The following HHAT variants were observed in gnomAD, a reference collection of about 807,000 sequenced individuals.
HHAT encodes the protein protein-cysteine N-palmitoyltransferase HHAT.
Under a neutral mutation model 70.8 loss-of-function variants are expected in HHAT, and 47 were observed. That is an observed-to-expected ratio of 0.66 (90% CI 0.53 to 0.85). The LOEUF is 0.85. HHAT is among the 40% of genes least tolerant of loss of function. The pLI, the probability that HHAT is intolerant of heterozygous loss-of-function variation, is 0.00. For missense variants in HHAT, 609 were observed against 604.8 expected (o/e 1.01, Z -0.07); for synonymous variants, 228 against 247.6 (o/e 0.92, Z 0.74).
intron 2 of HHAT, among the ~76,000 whole-genome samples, chr1:210,356,686 G>GT: frequency 6.6e-6 from 1 of 152,220 alleles, no homozygotes; most frequent in Non-Finnish European, 1.5e-5. Flanking sequence ...TTATAGATTA[G>GT]TTCTTTCTTT....
intron 9 of HHAT, among the ~76,000 whole-genome samples, chr1:210,541,876 C>T (rs963643974): frequency 2.0e-5 from 3 of 152,180 alleles, no homozygotes; most frequent in African/African-American, 7.2e-5. Flanking sequence ...GCTGTCTGCC[C>T]AGTGCCCCAG....
At chr1:210,350,023 G>T (rs1406665620) in intron 2 of HHAT, among the ~76,000 whole-genome samples, 9 of 152,178 alleles carry the variant, frequency 5.9e-5, no homozygotes, top group Admixed American at 2.0e-4. Context: ...TATTGAAAAT[G>T]GGAGGTGTCT....
At position 210,526,444 on chromosome 1, in the gene HHAT, G is replaced by T. The variant is rs138100074; in HGVS notation, c.1043+13256G>T. Among the ~76,000 whole-genome samples the T allele has an allele frequency of 1.9e-4, 29 of 149,450 alleles. 1 individual carries two copies. The highest frequency in any genetic ancestry group is 1.9e-3 in the Admixed American group (28 of 14,952). On this transcript the variant is annotated intron_variant, in intron 9 of 11. Transcript: ENST00000261458. Reference sequence around the variant, plus strand: ...AGATACCTAGCTCAACAGGGGGAGCGCATGATCTTTAGTTAGCTTTGCCTA... The same window carrying T: ...AGATACCTAGCTCAACAGGGGGAGCTCATGATCTTTAGTTAGCTTTGCCTA...
At chr1:210,411,463 G>A (rs546193679) in intron 6 of HHAT, among the ~76,000 whole-genome samples, 1 of 152,336 alleles carries the variant, frequency 6.6e-6, no homozygotes, top group Admixed American at 6.5e-5. Context: ...CTCTCCAAGA[G>A]TTTGAGCAGG....
chr1:210,336,143 A>G (rs564893612), intron 1 of HHAT, among the ~76,000 whole-genome samples: 1 of 152,176 alleles, frequency 6.6e-6, no homozygotes, highest in East Asian at 1.9e-4. Context: ...TTTTGGAGAC[A>G]GGATCTCGCT....
At chr1:210,439,727 A>G (rs964721712) in intron 7 of HHAT, 3 of 151,906 alleles carry the variant, frequency 2.0e-5, no homozygotes, top group Non-Finnish European at 4.4e-5. Flanking sequence ...TAATTCCTTC[A>G]TGAGACTTCA....
intron 11 of HHAT, among the ~76,000 whole-genome samples, chr1:210,627,058 A>G (rs1468224325): frequency 6.6e-6 from 1 of 152,178 alleles, no homozygotes; most frequent in African/African-American, 2.4e-5. Flanking sequence ...CTCAGTGTCT[A>G]GATTTCCAGG....
intron 9 of HHAT, among the ~76,000 whole-genome samples, chr1:210,538,051 T>A (rs1209474243): frequency 6.6e-6 from 1 of 151,794 alleles, no homozygotes; most frequent in Non-Finnish European, 1.5e-5. Context: ...TTTTTTTTCC[T>A]TTAAACAATT....
intron 7 of HHAT, among the ~76,000 whole-genome samples, chr1:210,445,706 G>A (rs980553266): frequency 1.3e-5 from 2 of 152,210 alleles, no homozygotes; most frequent in African/African-American, 4.8e-5. Flanking sequence ...CAGTGTTTGA[G>A]AGAGGTGGTT....
chr1:210,425,505 G>A (rs954064955), intron 7 of HHAT, among the ~76,000 whole-genome samples: 2 of 151,992 alleles, frequency 1.3e-5, no homozygotes, highest in Admixed American at 6.6e-5. Flanking sequence ...ATCGATCTTG[G>A]GTTAATTTTT....
chr1:210,564,198 A>T (rs144769923), intron 9 of HHAT, among the ~76,000 whole-genome samples: 1 of 151,534 alleles, frequency 6.6e-6, no homozygotes, highest in Non-Finnish European at 1.5e-5. Context: ...CCTGACCTCA[A>T]GTGATCCGCC....
Position 210,394,229 on chromosome 1 carries a change from C to CT in HHAT, c.274-6204dup, listed in dbSNP as rs59554789. ...TTTTATTTTCAAAAGCATGATCTAT[C>CT]TTTTTTTTTTTTTTTTTTTTTTTTT... On this transcript the variant is annotated intron_variant, in intron 4 of 11. Coordinates refer to ENST00000261458, the MANE Select transcript of HHAT (RefSeq NM_018194.6). Among the ~76,000 whole-genome samples, 453 of 116,104 alleles carry CT rather than the reference C, an allele frequency of 3.9e-3. 27 individuals carry two copies. Among genetic ancestry groups the CT allele is most frequent in the South Asian group, 7.1e-3 (23 of 3,220 alleles). The allele number at this position is 116,104 out of a possible 152,430, so 76.2% of individuals were successfully genotyped here. A position where few individuals can be genotyped will look rare whatever the true frequency, so the allele number is the denominator to read the frequency against.
At chr1:210,518,023 A>G (rs2095088507) in intron 9 of HHAT, among the ~76,000 whole-genome samples, 1 of 152,192 alleles carries the variant, frequency 6.6e-6, no homozygotes, top group African/African-American at 2.4e-5. Flanking sequence ...TGATGTATCT[A>G]TGTTGTATAA....
chr1:210,341,422 TTATG>T (rs1571718627), intron 1 of HHAT, among the ~76,000 whole-genome samples: 6 of 152,200 alleles, frequency 3.9e-5, no homozygotes, highest in Admixed American at 3.3e-4. Context: ...GCCGTTATGT[TTATG>T]TATGTTTCAG....
Position 210,617,862 on chromosome 1 carries a change from A to G in HHAT, c.1246-5664A>G, listed in dbSNP as rs182959210. ...GAAGCTCTGTACACTTGAAGGAAGG[A>G]GGAGGTATTGCTTTCAAAGGCTCTT... On this transcript the variant is annotated intron_variant, in intron 10 of 11. Transcript: ENST00000261458. Among the ~76,000 whole-genome samples the G allele has an allele frequency of 2.0e-3, 303 of 152,308 alleles. 1 individual carries two copies. Among genetic ancestry groups the G allele is most frequent in the Middle Eastern group, 3.4e-3 (1 of 294 alleles).
intron 11 of HHAT, among the ~76,000 whole-genome samples, chr1:210,667,840 A>C (rs1163135521): frequency 6.6e-6 from 1 of 152,182 alleles, no homozygotes; most frequent in Non-Finnish European, 1.5e-5. Flanking sequence ...CAAAACATAA[A>C]ATTTACCATT....
At chr1:210,373,214 A>G (rs563695899) in intron 3 of HHAT, among the ~76,000 whole-genome samples, 11 of 152,140 alleles carry the variant, frequency 7.2e-5, no homozygotes, top group Admixed American at 5.9e-4. Flanking sequence ...TATAAGTGCC[A>G]TAACAAGACT....
intron 8 of HHAT, among the ~76,000 whole-genome samples, chr1:210,479,877 G>C (rs114411359): frequency 6.6e-6 from 1 of 152,272 alleles, no homozygotes; most frequent in African/African-American, 2.4e-5. Flanking sequence ...CTAGAGAATA[G>C]AGCATGAGCT....
In HHAT at chr1:210,584,425, A is replaced by G. The variant is rs141736666; in HGVS notation, c.1044-3473A>G. Among the ~76,000 whole-genome samples the G allele has an allele frequency of 1.8e-4, 28 of 152,282 alleles. 1 individual carries two copies. In the East Asian group the frequency reaches 5.2e-3, roughly 28 times the overall value. On this transcript the variant is annotated intron_variant, in intron 9 of 11. Coordinates refer to ENST00000261458, the MANE Select transcript of HHAT (RefSeq NM_018194.6). ...TTTATTTTTACATACAACACTGGTT[A>G]CGTAAAGTTAAGGGCAGCCTCATGA...
Sources: allele counts gnomAD v4.1 joint callset (sites outside exome capture counted in the v4.1 genomes callset), GRCh38; gene constraint gnomAD v4.1.1; transcripts MANE v1.5; gene names NCBI Gene and HGNC (gene_info 2026-07-23, HGNC 2026-07-21).